The following DDX55 variants were observed in gnomAD, a reference collection of about 807,000 sequenced individuals.
DDX55 encodes DEAD-box helicase 55.
DDX55 carries 56 observed loss-of-function variants against 69.2 expected under a neutral mutation model. The observed-to-expected ratio is 0.81, with a 90% confidence interval of 0.65 to 1.01. The LOEUF (loss-of-function observed/expected upper bound fraction) is 1.01. DDX55 is among the 50% of genes least tolerant of loss of function. The probability of loss-of-function intolerance (pLI) is 0.00; values close to 1 mark genes in which losing one functional copy is unlikely to be tolerated. For synonymous variants in DDX55, 268 were observed against 273.1 expected (o/e 0.98, Z 0.18); for missense variants, 720 against 745.1 (o/e 0.97, Z 0.39).
chr12:123,606,204 G>T, intron 3 of DDX55, 45 bp downstream of exon 3: 2 of 1,602,842 alleles, frequency 1.2e-6, no homozygotes, highest in Non-Finnish European at 1.7e-6. Context: ...TCATCAGAGA[G>T]TTCACATTGG....
At chr12:123,611,761 T>C (rs1752854215) in intron 7 of DDX55, among the ~76,000 whole-genome samples, 1 of 152,090 alleles carries the variant, frequency 6.6e-6, no homozygotes, top group Non-Finnish European at 1.5e-5. Flanking sequence ...GTAGTTGCCA[T>C]TGATGTTTCT....
Position 123,617,834 on chromosome 12 carries a change from G to A in DDX55, c.1126G>A (p.Glu376Lys). 6.2e-7 allele frequency: 1 copy of A among 1,614,138 alleles called. No homozygotes were observed. The highest frequency in any genetic ancestry group is 1.3e-5 in the African/African-American group (1 of 75,024). The part of the protein sequence containing the change: ...GSALVFLLPM[E>K]ESYINFLAIN... ...CGCTCTGGTGTTCCTCCTGCCCATG[G>A]AAGAGTCATACATCAATTTCCTTGC... The change falls in exon 11 of 14, where the codon GAA becomes AAA. Residue 376 changes from glutamate to lysine, a missense_variant. Transcript: ENST00000238146.
intron 6 of DDX55, 127 bp from the exon 7 acceptor site, chr12:123,609,812 G>T: frequency 9.1e-7 from 1 of 1,104,830 alleles, no homozygotes; most frequent in Middle Eastern, 3.1e-4. Context: ...ACCTCCCAGT[G>T]TATGTGCTAT....
rs1955041884 is a variant in DDX55 at position 123,620,304 on chromosome 12, T to C, written c.*164T>C. 4.4e-6 allele frequency: 3 copies of C among 676,794 alleles called. No homozygotes were observed. Among genetic ancestry groups the C allele is most frequent in the Non-Finnish European group, 6.9e-6 (3 of 434,094 alleles). 41.9% of individuals were successfully genotyped at this position (676,794 alleles called of 1,614,324 possible). On this transcript the variant is annotated 3_prime_UTR_variant, in exon 14 of 14. Transcript: ENST00000238146. ...GAGGGAGAAATGAAGGATTTCACAC[T>C]TCAGAATATTTTACTAAAAACATTC...
chr12:123,618,155 T>C (rs890701157), intron 11 of DDX55: 57 of 405,252 alleles, frequency 1.4e-4, no homozygotes, highest in Middle Eastern at 1.6e-3. Context: ...TAGCTGGGAT[T>C]ACAGGCATGC....
intron 3 of DDX55, 99 bp downstream of exon 3, chr12:123,606,258 G>T: frequency 2.8e-6 from 4 of 1,431,926 alleles, no homozygotes; most frequent in Non-Finnish European, 3.7e-6. Context: ...GCCAGAAGCC[G>T]TGGCTCACGC....
At chr12:123,612,269 C>T (rs894507847) in intron 7 of DDX55, among the ~76,000 whole-genome samples, 3 of 152,174 alleles carry the variant, frequency 2.0e-5, no homozygotes, top group Non-Finnish European at 2.9e-5. Flanking sequence ...ATGAGGGATA[C>T]TTGTACTACT....
chr12:123,618,551 A>C, intron 11 of DDX55, 118 bp from the exon 12 acceptor site: 1 of 1,536,942 alleles, frequency 6.5e-7, no homozygotes, highest in Non-Finnish European at 8.7e-7. Flanking sequence ...GTTGGGCTTC[A>C]GACCTCAACA....
chr12:123,606,913 G>A (rs786439), intron 3 of DDX55, among the ~76,000 whole-genome samples: 128,476 of 152,090 alleles, frequency 0.84, 54,649 homozygotes, highest in East Asian at 0.97. Context: ...GGTGATTTTG[G>A]TTTTTGAAAT....
At chr12:123,614,178 C>T (rs976406774) in intron 8 of DDX55, among the ~76,000 whole-genome samples, 1 of 152,096 alleles carries the variant, frequency 6.6e-6, no homozygotes, top group Non-Finnish European at 1.5e-5. Flanking sequence ...TGTTCTACTC[C>T]AGCTGTTAAT....
chr12:123,613,393 T>C (rs903447098), intron 8 of DDX55, 141 bp downstream of exon 8: 11 of 819,430 alleles, frequency 1.3e-5, no homozygotes, highest in African/African-American at 1.1e-4. Flanking sequence ...AACCCAACTT[T>C]TGTTGTCCGA....
chr12:123,605,375 T>G (rs1367393926), intron 1 of DDX55: 1 of 172,502 alleles, frequency 5.8e-6, no homozygotes, highest in Non-Finnish European at 1.3e-5. Flanking sequence ...AAATGTTCCC[T>G]CAGGGGTTGA....
chr12:123,620,474 T>G lies in DDX55; in HGVS notation c.*334T>G. On this transcript the variant is annotated 3_prime_UTR_variant, in exon 14 of 14. Transcript: ENST00000238146. ...CATTAAAAACAACAAAACAAAACAATTCCAGTCTTGGAGTAGTCTAACAGA... is the reference window on the plus strand; with the variant it reads ...CATTAAAAACAACAAAACAAAACAAGTCCAGTCTTGGAGTAGTCTAACAGA... 5.8e-6 allele frequency: 1 copy of G among 171,112 alleles called. No homozygotes were observed. Among genetic ancestry groups the G allele is most frequent in the East Asian group, 1.5e-4 (1 of 6,826 alleles). 10.6% of individuals were successfully genotyped at this position (171,112 alleles called of 1,614,324 possible).
chr12:123,616,904 A>G (rs1954713245), intron 10 of DDX55: 2 of 328,290 alleles, frequency 6.1e-6, no homozygotes, highest in South Asian at 2.8e-5. Context: ...CTGTAATTCC[A>G]GCACTTTGGG....
rs761696936 is a variant in DDX55 at position 123,615,207 on chromosome 12, T to C, written c.847T>C (p.Tyr283His). 8 of 1,614,014 alleles carry C rather than the reference T, an allele frequency of 5.0e-6. No individual in the cohort carries two copies. The highest frequency in any genetic ancestry group is 6.8e-6 in the Non-Finnish European group (8 of 1,179,990). ...CAGCACCTGTGCCTGTGTGGAATAC[T>C]ATGGGAAGGCTCTGGAAGTGCTGGT... ...FFSTCACVEY[Y>H]GKALEVLVKG... The change falls in exon 9 of 14, where the codon TAT becomes CAT. Residue 283 changes from tyrosine to histidine, a missense_variant. Coordinates refer to ENST00000238146, the MANE Select transcript of DDX55 (RefSeq NM_020936.3).
In DDX55 at chr12:123,615,260, C is replaced by T. The variant is rs11612770; in HGVS notation, c.900C>T (p.His300=). 178 of 1,614,092 alleles carry T rather than the reference C, an allele frequency of 1.1e-4. No homozygotes were observed. In the African/African-American group the frequency reaches 1.7e-3, roughly 15 times the overall value. Residue 300 remains histidine (H), a synonymous_variant, in exon 9 of 14, where the codon CAC becomes CAT. Transcript: ENST00000238146. ...AGGGCGTGAAGATTATGTGCATTCA[C>T]GGAAAGATGAAATATAAACGCAATA... ...LVKGVKIMCI[H]GKMKYKRNKI... is the part of the protein sequence containing the mutation.
At chr12:123,618,930 T>C (rs1954917976) in intron 12 of DDX55, 93 bp downstream of exon 12, 2 of 1,533,458 alleles carry the variant, frequency 1.3e-6, no homozygotes, top group Admixed American at 3.9e-5. Flanking sequence ...AAAGGAAGTG[T>C]TCCCAGGTTT....
intron 11 of DDX55, chr12:123,618,391 G>A (rs1402051843): frequency 3.6e-6 from 3 of 831,342 alleles, no homozygotes; most frequent in Non-Finnish European, 5.8e-6. Context: ...TGCCCTGCTG[G>A]GACCCAGGCA....
chr12:123,611,580 G>A (rs971639097), intron 7 of DDX55, among the ~76,000 whole-genome samples: 4 of 152,230 alleles, frequency 2.6e-5, no homozygotes, highest in South Asian at 2.1e-4. Flanking sequence ...GGCTGGTCTC[G>A]AAACCAGAAT....
Sources: allele counts gnomAD v4.1 joint callset (sites outside exome capture counted in the v4.1 genomes callset), GRCh38; gene constraint gnomAD v4.1.1; transcripts MANE v1.5; gene names NCBI Gene and HGNC (gene_info 2026-07-23, HGNC 2026-07-21).